FAM193A: variants seen among roughly 807,000 people sequenced by gnomAD.
FAM193A encodes protein FAM193A.
A neutral mutation model predicts 126.5 loss-of-function variants in FAM193A; 22 were observed. The ratio of observed to expected loss-of-function variants is 0.17; its 90% CI spans 0.12 to 0.25. The LOEUF (loss-of-function observed/expected upper bound fraction) is 0.25, where lower values mean the gene tolerates loss of function less well. Among genes scored for constraint, FAM193A ranks in the 10% least tolerant of loss-of-function variants. FAM193A has a pLI of 1.00. For missense variants in FAM193A, 1,675 were observed against 1,672.8 expected (o/e 1.00, Z -0.02); for synonymous variants, 761 against 646.8 (o/e 1.18, Z -2.68).
intron 6 of FAM193A, among the ~76,000 whole-genome samples, chr4:2,646,051 C>T (rs560069425): frequency 2.6e-3 from 389 of 148,668 alleles, no homozygotes; most frequent in Middle Eastern, 6.9e-3. Context: ...TTAATTTTTT[C>T]TTTGCAATTC....
chr4:2,633,798 C>G (rs1328487666), intron 5 of FAM193A, among the ~76,000 whole-genome samples: 2 of 152,150 alleles, frequency 1.3e-5, no homozygotes, highest in East Asian at 3.9e-4. Flanking sequence ...GAGGCTGAGG[C>G]AGGAGAATTG....
At chr4:2,642,134 CAAAAA>C (rs35799531) in intron 6 of FAM193A, among the ~76,000 whole-genome samples, 5 of 86,228 alleles carry the variant, frequency 5.8e-5, no homozygotes, top group African/African-American at 1.7e-4. Context: ...ACTAAAAATA[CAAAAA>C]AAAAAAAAAA....
chr4:2,564,668 A>T (rs972204831), intron 1 of FAM193A, among the ~76,000 whole-genome samples: 1 of 152,176 alleles, frequency 6.6e-6, no homozygotes, highest in Admixed American at 6.6e-5. Flanking sequence ...AACAAAAGAA[A>T]TATATTATTT....
intron 12 of FAM193A, among the ~76,000 whole-genome samples, chr4:2,668,810 C>G (rs2109145330): frequency 6.6e-6 from 1 of 151,416 alleles, no homozygotes; most frequent in Middle Eastern, 3.4e-3. Flanking sequence ...CTCTCTCTCT[C>G]TCTTTCTCTT....
Position 2,700,045 on chromosome 4 carries a change from G to T in FAM193A, c.3873G>T (p.Gly1291=), listed in dbSNP as rs1407445102. The change falls in exon 19 of 21, where the codon GGG becomes GGT. Residue 1291 remains glycine (G), a synonymous_variant. Transcript: ENST00000637812. ...MNHSEPRPGL[G]ADGDAADPVD... ...ACTCAGAGCCCAGGCCAGGGCTAGG[G>T]GCTGATGGGGATGCTGCAGACCCCG... The T allele has an allele frequency of 3.1e-6, 5 of 1,613,844 alleles. No individual in the cohort carries two copies. In the Admixed American group the frequency reaches 8.3e-5, roughly 27 times the overall value.
intron 20 of FAM193A, among the ~76,000 whole-genome samples, chr4:2,718,126 A>G (rs1305721711): frequency 1.3e-5 from 2 of 152,178 alleles, no homozygotes; most frequent in African/African-American, 4.8e-5. Context: ...TTCACTTGAG[A>G]AATTAGGAAA....
chr4:2,575,018 T>C (rs201450056), intron 1 of FAM193A, among the ~76,000 whole-genome samples: 2 of 152,074 alleles, frequency 1.3e-5, no homozygotes, highest in Non-Finnish European at 2.9e-5. Context: ...TCTTCCTCTT[T>C]CTCCCACACA....
intron 18 of FAM193A, among the ~76,000 whole-genome samples, chr4:2,697,760 G>T (rs1017804009): frequency 6.6e-6 from 1 of 152,220 alleles, no homozygotes; most frequent in Non-Finnish European, 1.5e-5. Context: ...GGCTTTGGGG[G>T]AGAAGCCTTG....
chr4:2,677,295 C>A (rs1260400576), intron 13 of FAM193A, among the ~76,000 whole-genome samples: 2 of 152,128 alleles, frequency 1.3e-5, no homozygotes, highest in Non-Finnish European at 2.9e-5. Context: ...CTGTTCTGTT[C>A]CATTGGTCTG....
intron 1 of FAM193A, among the ~76,000 whole-genome samples, chr4:2,573,467 C>T (rs923570071): frequency 2.0e-5 from 3 of 149,834 alleles, no homozygotes; most frequent in Admixed American, 1.3e-4. Context: ...GAGCTGAGAT[C>T]GTGCCACTGC....
chr4:2,617,240 T>TTTTATATATATATATATATTTTATA (rs377206444), intron 2 of FAM193A, among the ~76,000 whole-genome samples: 1 of 35,242 alleles, frequency 2.8e-5, no homozygotes, highest in African/African-American at 2.7e-4. Flanking sequence ...TATGTTTTTA[T>TTTTATATATATATATATATTTTATA]TATATATATA....
intron 6 of FAM193A, among the ~76,000 whole-genome samples, chr4:2,646,331 G>A (rs766281971): frequency 1.3e-5 from 2 of 151,644 alleles, no homozygotes; most frequent in Non-Finnish European, 2.9e-5. Flanking sequence ...CACCACACCC[G>A]GCTAATTTTT....
chr4:2,676,096 A>G (rs1196803087), intron 13 of FAM193A, among the ~76,000 whole-genome samples: 2 of 152,210 alleles, frequency 1.3e-5, no homozygotes, highest in African/African-American at 4.8e-5. Context: ...ATGAGTGTAC[A>G]AATATTTCAG....
chr4:2,541,558 G>T (rs927444031), intron 1 of FAM193A, among the ~76,000 whole-genome samples: 1 of 149,098 alleles, frequency 6.7e-6, no homozygotes, highest in African/African-American at 2.5e-5. Context: ...CGATTCTCCT[G>T]CCTCAGCCTC....
At chr4:2,619,067 G>A (rs1214518046) in intron 2 of FAM193A, among the ~76,000 whole-genome samples, 2 of 152,066 alleles carry the variant, frequency 1.3e-5, no homozygotes, top group African/African-American at 2.4e-5. Context: ...AGGTTTATTG[G>A]TATTCTGATC....
At chr4:2,691,774 TA>T (rs370439634) in intron 15 of FAM193A, among the ~76,000 whole-genome samples, 128 of 136,328 alleles carry the variant, frequency 9.4e-4, no homozygotes, top group African/African-American at 1.2e-3. Flanking sequence ...ACCCCGTCTC[TA>T]AAAAAAAAAA....
chr4:2,584,051 CCTT>C (rs904258615), intron 1 of FAM193A, among the ~76,000 whole-genome samples: 31 of 152,074 alleles, frequency 2.0e-4, no homozygotes, highest in African/African-American at 5.1e-4. Flanking sequence ...GTTGGGAAAA[CCTT>C]CTTCTTTGTT....
In FAM193A at chr4:2,620,836, C is replaced by CAAA. The variant is rs34305537; in HGVS notation, c.502-4406_502-4404dup. Among the ~76,000 whole-genome samples the CAAA allele has an allele frequency of 1.3e-3, 87 of 69,066 alleles. 3 individuals carry two copies. The highest frequency in any genetic ancestry group is 4.4e-3 in the African/African-American group (72 of 16,486). The allele number at this position is 69,066 out of a possible 152,430, so 45.3% of individuals were successfully genotyped here. ...GGGCAAGAAGACTGCAACTCCGTCT[C>CAAA]AAAAAAAAAAAAAAAAAAAAAAGTA... On this transcript the variant is annotated intron_variant, in intron 2 of 20. Transcript: ENST00000637812.
At chr4:2,553,766 G>A (rs1015197089) in intron 1 of FAM193A, among the ~76,000 whole-genome samples, 3 of 152,068 alleles carry the variant, frequency 2.0e-5, no homozygotes, top group Admixed American at 6.6e-5. Context: ...CGTGTGTTGT[G>A]GGAGGGACCT....
Sources: allele counts gnomAD v4.1 joint callset (sites outside exome capture counted in the v4.1 genomes callset), GRCh38; gene constraint gnomAD v4.1.1; transcripts MANE v1.5; gene names NCBI Gene and HGNC (gene_info 2026-07-23, HGNC 2026-07-21).